The following CAMTA1 variants were observed in gnomAD, a reference collection of about 807,000 sequenced individuals.
CAMTA1 encodes calmodulin-binding transcription activator 1.
A neutral mutation model predicts 170.9 loss-of-function variants in CAMTA1; 27 were observed. The ratio of observed to expected loss-of-function variants is 0.16; its 90% CI spans 0.12 to 0.22. The LOEUF is 0.22. Ranked by LOEUF, CAMTA1 falls within the 10% of genes least tolerant of loss-of-function variation. CAMTA1 has a pLI of 1.00. For synonymous variants in CAMTA1, 833 were observed against 891.5 expected, an observed-to-expected ratio of 0.93 and a Z score of 1.17; for missense variants, 1,619 against 2,217.2, an observed-to-expected ratio of 0.73 and a Z score of 5.42.
chr1:7,140,020 C>A (rs1645802192), intron 4 of CAMTA1, among the ~76,000 whole-genome samples: 1 of 152,166 alleles, frequency 6.6e-6, no homozygotes, highest in African/African-American at 2.4e-5. Context: ...ATCTTCTTTA[C>A]TTTTTCAACA....
rs537040912 is a variant in CAMTA1 at position 7,426,199 on chromosome 1, C to T, written c.439-41631C>T. On this transcript the variant is annotated intron_variant, in intron 5 of 22. Transcript: ENST00000303635. This position sits in a 1 kb window ranked among gnomAD's most constrained non-coding sequence, Gnocchi z 4.8. ...CAGTTTAAAAAGGTGAGGGCACCTCCCCCAGACCTTGCTCTTTAACTATAT... is the reference window on the plus strand; with the variant it reads ...CAGTTTAAAAAGGTGAGGGCACCTCTCCCAGACCTTGCTCTTTAACTATAT... Among the ~76,000 whole-genome samples, 7 of 152,284 alleles carry T rather than the reference C, an allele frequency of 4.6e-5. No individual in the cohort carries two copies. In the South Asian group the frequency reaches 1.5e-3, roughly 32 times the overall value.
At position 7,104,151 on chromosome 1, in the gene CAMTA1, C is replaced by T. The variant is rs553078551; in HGVS notation, c.302+12780C>T. 2.9e-5 allele frequency among the ~76,000 whole-genome samples: 4 copies of T among 137,844 alleles called. No homozygotes were observed. In the South Asian group the frequency reaches 8.9e-4, roughly 31 times the overall value. 90.4% of individuals were successfully genotyped at this position (137,844 alleles called of 152,430 possible). A position where few individuals can be genotyped will look rare whatever the true frequency, so the allele number is the denominator to read the frequency against. On this transcript the variant is annotated intron_variant, in intron 4 of 22. Transcript: ENST00000303635. ...CATAACTACACACGTACACACAACA[C>T]ACATATGCATACAACTACACACATA...
chr1:6,879,189 T>C (rs539359231), intron 3 of CAMTA1, among the ~76,000 whole-genome samples: 3 of 152,330 alleles, frequency 2.0e-5, no homozygotes, highest in East Asian at 3.9e-4. Flanking sequence ...AAGTATTTTA[T>C]CTTAATACCA....
intron 4 of CAMTA1, among the ~76,000 whole-genome samples, chr1:7,096,893 G>A (rs150624504): frequency 0.021 from 3,139 of 152,244 alleles, 34 homozygotes; most frequent in Middle Eastern, 0.024. Context: ...CAGTGATGTC[G>A]TTAAGGCCAT....
In CAMTA1 at chr1:7,532,177, T is replaced by C. The variant is rs2094500187; in HGVS notation, c.510+64276T>C. ...AGCTGCAGCCCTTGGGACGTCTCCA[T>C]TGAGCCAGTCCTTCCTGTGTGGCCT... On this transcript the variant is annotated intron_variant, in intron 6 of 22. Coordinates refer to ENST00000303635, the MANE Select transcript of CAMTA1 (RefSeq NM_015215.4). The surrounding 1 kb of genome is among the most constrained non-coding windows in gnomAD (Gnocchi z 4.2). 6.6e-6 allele frequency among the ~76,000 whole-genome samples: 1 copy of C among 152,034 alleles called. No homozygotes were observed. The highest frequency in any genetic ancestry group is 2.1e-4 in the South Asian group (1 of 4,828).
At chr1:7,240,591 G>A (rs1664696190) in intron 4 of CAMTA1, among the ~76,000 whole-genome samples, 1 of 150,544 alleles carries the variant, frequency 6.6e-6, no homozygotes, top group Non-Finnish European at 1.5e-5. Context: ...GTGCTATCTC[G>A]GTTCACTGTA....
chr1:7,679,912 T>A (rs1213454123), intron 11 of CAMTA1, among the ~76,000 whole-genome samples: 1 of 152,080 alleles, frequency 6.6e-6, no homozygotes, highest in African/African-American at 2.4e-5. Context: ...AAGGAATGAG[T>A]GGGAGGCAGG....
At chr1:7,372,086 C>G (rs2086517769) in intron 5 of CAMTA1, among the ~76,000 whole-genome samples, 1 of 152,200 alleles carries the variant, frequency 6.6e-6, no homozygotes, top group Admixed American at 6.5e-5. Context: ...AGCTTCTACG[C>G]CAGTAGTGTG....
In CAMTA1 at chr1:7,665,213, G is replaced by A. The variant is rs199540811; in HGVS notation, c.2652+14G>A. 33 of 1,430,710 alleles carry A rather than the reference G, an allele frequency of 2.3e-5. No homozygotes were observed. The highest frequency in any genetic ancestry group is 5.0e-5 in the East Asian group (2 of 40,262). The allele number at this position is 1,430,710 out of a possible 1,614,324, so 88.6% of individuals were successfully genotyped here. A position where few individuals can be genotyped will look rare whatever the true frequency, so the allele number is the denominator to read the frequency against. ...TCTTACCCAGAGGTAAGCTGCCGCC[G>A]CTGCCACCACCTGTCACCTCCCCTC... is the stretch of plus-strand genomic sequence containing the variant. On this transcript the variant is annotated intron_variant, in intron 9 of 22. Transcript: ENST00000303635. This position sits in a 1 kb window ranked among gnomAD's most constrained non-coding sequence, Gnocchi z 4.3.
chr1:6,980,554 A>C (rs1694264007), intron 3 of CAMTA1, among the ~76,000 whole-genome samples: 1 of 152,016 alleles, frequency 6.6e-6, no homozygotes, highest in Admixed American at 6.5e-5. Context: ...CCCCACCCAA[A>C]TCTCATCTTG....
rs559462365 is a variant in CAMTA1, at chr1:7,226,682, A to G, written c.303-22809A>G. Among the ~76,000 whole-genome samples, 293 of 152,282 alleles carry G rather than the reference A, an allele frequency of 1.9e-3. 1 individual carries two copies. Among genetic ancestry groups the G allele is most frequent in the Non-Finnish European group, 3.1e-3 (210 of 68,022 alleles). ...AAGAATTCTATAGAAATGAGATCTC[A>G]CCATGCATTCCATTTTGCAATTTTT... On this transcript the variant is annotated intron_variant, in intron 4 of 22. Transcript: ENST00000303635.
chr1:7,395,431 G>A (rs1459612692), intron 5 of CAMTA1, among the ~76,000 whole-genome samples: 1 of 152,094 alleles, frequency 6.6e-6, no homozygotes, highest in Non-Finnish European at 1.5e-5. Flanking sequence ...TCGTCTATAT[G>A]TCTGTGTTTA....
intron 6 of CAMTA1, among the ~76,000 whole-genome samples, chr1:7,636,009 A>G (rs993214080): frequency 6.6e-6 from 1 of 152,138 alleles, no homozygotes; most frequent in African/African-American, 2.4e-5. Context: ...AGGCCCTGGG[A>G]TGGAAACCGG....
In CAMTA1 at chr1:6,944,266, C is replaced by T. The variant is rs114698353; in HGVS notation, c.234+119056C>T. 2.3e-3 allele frequency among the ~76,000 whole-genome samples: 353 copies of T among 152,310 alleles called. 2 individuals carry two copies. Among genetic ancestry groups the T allele is most frequent in the African/African-American group, 8.1e-3 (336 of 41,550 alleles). ...AATGGACCACCTTTGCCTATCCGCT[C>T]GTCTGCCCAATGACACTTGGGTTAT... On this transcript the variant is annotated intron_variant, in intron 3 of 22. Transcript: ENST00000303635.
chr1:7,172,379 A>G (rs1469514671), intron 4 of CAMTA1, among the ~76,000 whole-genome samples: 1 of 152,130 alleles, frequency 6.6e-6, no homozygotes, highest in Non-Finnish European at 1.5e-5. Flanking sequence ...TGGACTCCTG[A>G]GCTCAAGTGA....
chr1:7,755,509 T>A (rs2096925822), intron 21 of CAMTA1, 129 bp from the exon 22 acceptor site: 1 of 762,664 alleles, frequency 1.3e-6, no homozygotes, highest in Non-Finnish European at 2.3e-6. Context: ...CCACCATCAC[T>A]CTCCTTTTCT....
At chr1:7,717,412 A>C (rs1221462657) in intron 11 of CAMTA1, among the ~76,000 whole-genome samples, 1 of 152,158 alleles carries the variant, frequency 6.6e-6, no homozygotes, top group Non-Finnish European at 1.5e-5. Context: ...TCAAAACATC[A>C]GGTTGTATGC....
At chr1:6,939,678 A>G (rs200718731) in intron 3 of CAMTA1, among the ~76,000 whole-genome samples, 13,751 of 152,258 alleles carry the variant, frequency 0.09, 939 homozygotes, top group Admixed American at 0.26. Flanking sequence ...TCCCTGGGGC[A>G]GGACTCAGCA....
chr1:7,728,949 C>T (rs2096711645), intron 11 of CAMTA1, among the ~76,000 whole-genome samples: 1 of 152,148 alleles, frequency 6.6e-6, no homozygotes, highest in Admixed American at 6.5e-5. Context: ...GGGAAGTTGC[C>T]ACTGAGTGAG....
Sources: gnomAD v4.1 joint callset for allele counts (sites outside exome capture counted in the v4.1 genomes callset) on GRCh38, gnomAD v4.1.1 for gene constraint, Gnocchi (gnomAD v3.1) non-coding constraint, MANE v1.5 for transcripts, NCBI Gene and HGNC (gene_info 2026-07-23, HGNC 2026-07-21) for gene names.